Variants in CDC42BPA observed in about 807,000 individuals in gnomAD.
CDC42BPA encodes CDC42 binding protein kinase alpha, also known as serine/threonine-protein kinase MRCK alpha.
CDC42BPA carries 80 observed loss-of-function variants against 223.5 expected under a neutral mutation model. The ratio of observed to expected loss-of-function variants is 0.36; its 90% CI spans 0.30 to 0.43. The LOEUF is 0.43. CDC42BPA is among the 20% of genes least tolerant of loss of function. The pLI is 1.00. For missense variants in CDC42BPA, 1,743 were observed against 2,099.9 expected (o/e 0.83, Z 3.32); for synonymous variants, 694 against 718.6 (o/e 0.97, Z 0.55).
chr1:227,026,736 T>C (rs1440185306), intron 30 of CDC42BPA, among the ~76,000 whole-genome samples: 1 of 152,194 alleles, frequency 6.6e-6, no homozygotes, highest in Non-Finnish European at 1.5e-5. Flanking sequence ...CAACTCTGAC[T>C]CTACATTAGA....
chr1:227,033,935 G>A (rs2148689778), intron 26 of CDC42BPA, among the ~76,000 whole-genome samples: 1 of 152,210 alleles, frequency 6.6e-6, no homozygotes, highest in South Asian at 2.1e-4. Flanking sequence ...CAGTCCCTTA[G>A]TAGGTTCTAT....
intron 3 of CDC42BPA, among the ~76,000 whole-genome samples, chr1:227,211,268 C>A (rs1478786111): frequency 6.6e-6 from 1 of 152,074 alleles, no homozygotes; most frequent in Non-Finnish European, 1.5e-5. Flanking sequence ...ACAATAATTA[C>A]CTCTGGGGGG....
intron 15 of CDC42BPA, among the ~76,000 whole-genome samples, chr1:227,097,691 T>C (rs979518162): frequency 4.6e-5 from 7 of 152,102 alleles, no homozygotes; most frequent in African/African-American, 1.7e-4. Flanking sequence ...GGCAAAATGG[T>C]GGAGTTTAAC....
intron 2 of CDC42BPA, among the ~76,000 whole-genome samples, chr1:227,226,507 A>G (rs549694285): frequency 6.6e-6 from 1 of 152,350 alleles, no homozygotes; most frequent in African/African-American, 2.4e-5. Flanking sequence ...TCTATGGTAC[A>G]AGGAATGAAG....
intron 15 of CDC42BPA, among the ~76,000 whole-genome samples, chr1:227,097,919 A>T (rs749916483): frequency 2.6e-5 from 4 of 152,148 alleles, no homozygotes; most frequent in Non-Finnish European, 4.4e-5. Flanking sequence ...ACCAAGTCAA[A>T]GGTTAAATCA....
At chr1:227,242,584 T>C (rs1393491429) in intron 2 of CDC42BPA, among the ~76,000 whole-genome samples, 4 of 152,104 alleles carry the variant, frequency 2.6e-5, no homozygotes, top group Non-Finnish European at 5.9e-5. Context: ...TTAAAGCCAA[T>C]TGTATTTCTA....
intron 10 of CDC42BPA, among the ~76,000 whole-genome samples, chr1:227,130,435 T>C (rs986555647): frequency 5.9e-5 from 9 of 152,236 alleles, no homozygotes; most frequent in African/African-American, 2.2e-4. Flanking sequence ...TTTCTTTCTC[T>C]TTGGGTTCAA....
intron 24 of CDC42BPA, among the ~76,000 whole-genome samples, 168 bp from the exon 25 acceptor site, chr1:227,035,775 C>G (rs1670099033): frequency 6.6e-6 from 1 of 152,026 alleles, no homozygotes; most frequent in South Asian, 2.1e-4. Flanking sequence ...TTACCAATGA[C>G]AATTTTAATG....
intron 3 of CDC42BPA, among the ~76,000 whole-genome samples, chr1:227,203,573 A>G (rs527565657): frequency 1.3e-5 from 2 of 152,184 alleles, no homozygotes; most frequent in African/African-American, 4.8e-5. Flanking sequence ...AAAAAAAACT[A>G]AACAATATCT....
In CDC42BPA at chr1:227,055,980, T is replaced by C. The variant is rs551874369; in HGVS notation, c.2905-3995A>G. On this transcript the variant is annotated intron_variant, in intron 21 of 36. Coordinates refer to ENST00000366766, the MANE Select transcript of CDC42BPA (RefSeq NM_001394014.1). ...AATGCAAAATGTTCATAATGGTCCC[T>C]GAAGCTGTTAGGATTTTTCTACTAA... Among the ~76,000 whole-genome samples, 16 of 152,200 alleles carry C rather than the reference T, an allele frequency of 1.1e-4. No individual in the cohort carries two copies. The South Asian group carries it at 3.1e-3, about 30-fold the overall frequency.
At chr1:227,264,649 T>C in intron 1 of CDC42BPA, 1 of 546,676 alleles carries the variant, frequency 1.8e-6, no homozygotes, top group Non-Finnish European at 3.3e-6. Context: ...AATGTTGCCC[T>C]AAGTTTTACC....
At chr1:227,297,290 T>C (rs1288474847) in intron 1 of CDC42BPA, among the ~76,000 whole-genome samples, 3 of 152,168 alleles carry the variant, frequency 2.0e-5, no homozygotes, top group South Asian at 4.2e-4. Flanking sequence ...AAGTACCAAA[T>C]GTTAGCAAGC....
intron 5 of CDC42BPA, chr1:227,180,350 T>C (rs1004958493): frequency 2.0e-5 from 3 of 152,214 alleles, no homozygotes; most frequent in Admixed American, 1.3e-4. Flanking sequence ...TTTCATTTTA[T>C]GAAATGACAG....
At chr1:227,037,497 T>C (rs1235938775) in intron 24 of CDC42BPA, among the ~76,000 whole-genome samples, 2 of 152,230 alleles carry the variant, frequency 1.3e-5, no homozygotes, top group South Asian at 2.1e-4. Flanking sequence ...TCTTTCACTT[T>C]AGCTGTGAGA....
chr1:227,108,211 T>C lies in CDC42BPA; in HGVS notation c.2001+4101A>G, dbSNP rs544879774. On this transcript the variant is annotated intron_variant, in intron 14 of 36. Coordinates refer to ENST00000366766, the MANE Select transcript of CDC42BPA (RefSeq NM_001394014.1). ...TAGTGATTTTTACTTTCTTCCCTTT[T>C]AGTCCTTCCTTTTAATACAGGCATT... Among the ~76,000 whole-genome samples, 22 of 152,322 alleles carry C rather than the reference T, an allele frequency of 1.4e-4. No homozygotes were observed. The South Asian group carries it at 4.6e-3, about 32-fold the overall frequency.
intron 27 of CDC42BPA, among the ~76,000 whole-genome samples, chr1:227,031,936 A>G (rs1280199287): frequency 1.3e-5 from 2 of 152,182 alleles, no homozygotes; most frequent in African/African-American, 4.8e-5. Flanking sequence ...TATTTTATAT[A>G]TGAAAAAAAT....
At position 226,992,377 on chromosome 1, in the gene CDC42BPA, A is replaced by G. The variant is rs893550656; in HGVS notation, c.*1891T>C. On this transcript the variant is annotated 3_prime_UTR_variant, in exon 37 of 37. Transcript: ENST00000366766. ...TTTAAATGTCAAAGCTGTTACATGA[A>G]AATTCCCGATTATAGGTGCTTACAA... 2.0e-5 allele frequency: 3 copies of G among 152,276 alleles called. No homozygotes were observed. Among genetic ancestry groups the G allele is most frequent in the African/African-American group, 7.2e-5 (3 of 41,470 alleles). The allele number at this position is 152,276 out of a possible 1,614,324, so 9.4% of individuals were successfully genotyped here. A position where few individuals can be genotyped will look rare whatever the true frequency, so the allele number is the denominator to read the frequency against.
At chr1:227,031,183 T>G in intron 28 of CDC42BPA, 115 bp downstream of exon 28, 1 of 743,630 alleles carries the variant, frequency 1.3e-6, no homozygotes, top group Non-Finnish European at 2.3e-6. Context: ...TGAGCATTTA[T>G]GATATGATGC....
chr1:227,174,870 T>C (rs1342902675), intron 5 of CDC42BPA, among the ~76,000 whole-genome samples: 1 of 152,216 alleles, frequency 6.6e-6, no homozygotes, highest in Non-Finnish European at 1.5e-5. Flanking sequence ...CTAAGTTTCA[T>C]GTAACCTGCT....
Sources: gnomAD v4.1 joint callset for allele counts (sites outside exome capture counted in the v4.1 genomes callset) on GRCh38, gnomAD v4.1.1 for gene constraint, MANE v1.5 for transcripts, NCBI Gene and HGNC (gene_info 2026-07-23, HGNC 2026-07-21) for gene names.